The following RBFOX1 variants were observed in gnomAD, a reference collection of about 807,000 sequenced individuals.
RBFOX1 encodes the protein RNA binding fox-1 homolog 1.
A neutral mutation model predicts 57.7 loss-of-function variants in RBFOX1; 8 were observed. That is an observed-to-expected ratio of 0.14 (90% CI 0.08 to 0.25). RBFOX1 has a LOEUF of 0.25. Ranked by LOEUF, RBFOX1 falls within the 10% of genes least tolerant of loss-of-function variation. The probability of loss-of-function intolerance (pLI) is 1.00; values close to 1 mark genes in which losing one functional copy is unlikely to be tolerated. For synonymous variants in RBFOX1, 326 were observed against 222.4 expected, an observed-to-expected ratio of 1.47 and a Z score of -4.15; for missense variants, 611 against 548.5, an observed-to-expected ratio of 1.11 and a Z score of -1.14.
chr16:6,082,255 A>G (rs1371113681), intron 1 of RBFOX1, among the ~76,000 whole-genome samples: 1 of 127,878 alleles, frequency 7.8e-6, no homozygotes. Flanking sequence ...ATCTCGGCTC[A>G]TTGCAACCTC....
At chr16:6,781,257 C>G (rs746350077) in intron 3 of RBFOX1, among the ~76,000 whole-genome samples, 19 of 152,092 alleles carry the variant, frequency 1.2e-4, no homozygotes, top group African/African-American at 4.1e-4. Context: ...GTTGAACCAT[C>G]CTTTTATCGC....
At position 6,048,405 on chromosome 16, in the gene RBFOX1, C is replaced by T. The variant is rs1017437564; in HGVS notation, c.-127+28413C>T. ...TCTCATAAAGACTGGATACCAGAAACCTTCCAAATTGTGATTTCTCCTGTT... is the reference window on the plus strand; with the variant it reads ...TCTCATAAAGACTGGATACCAGAAATCTTCCAAATTGTGATTTCTCCTGTT... On this transcript the variant is annotated intron_variant, in intron 1 of 15. Coordinates refer to ENST00000550418, the MANE Select transcript of RBFOX1 (RefSeq NM_018723.4). Among the ~76,000 whole-genome samples, 4 of 152,186 alleles carry T rather than the reference C, an allele frequency of 2.6e-5. No homozygotes were observed. The South Asian group carries it at 8.3e-4, about 32-fold the overall frequency.
intron 4 of RBFOX1, among the ~76,000 whole-genome samples, chr16:7,156,468 C>T (rs150258886): frequency 2.0e-5 from 3 of 152,020 alleles, no homozygotes; most frequent in African/African-American, 7.2e-5. Context: ...TATACATGCA[C>T]ATATACAGGT....
intron 3 of RBFOX1, among the ~76,000 whole-genome samples, chr16:6,846,604 A>C (rs994709036): frequency 3.9e-5 from 6 of 152,218 alleles, no homozygotes; most frequent in African/African-American, 1.4e-4. Context: ...AAACGCACGA[A>C]GACCTTTGCC....
rs144460668 is a variant in RBFOX1 at position 6,066,575 on chromosome 16, G to C, written c.-127+46583G>C. ...GGATGCCATTTAAATACATTATCTGGAAAAATGTACATAGAACTTACGATT... is the reference window on the plus strand; with the variant it reads ...GGATGCCATTTAAATACATTATCTGCAAAAATGTACATAGAACTTACGATT... On this transcript the variant is annotated intron_variant, in intron 1 of 15. Transcript: ENST00000550418. Among the ~76,000 whole-genome samples the C allele has an allele frequency of 2.8e-3, 428 of 152,176 alleles. 5 individuals carry two copies. Among genetic ancestry groups the C allele is most frequent in the East Asian group, 9.3e-3 (48 of 5,150 alleles).
chr16:6,859,485 C>G (rs148171154), intron 3 of RBFOX1, among the ~76,000 whole-genome samples: 2 of 152,014 alleles, frequency 1.3e-5, no homozygotes, highest in Admixed American at 1.3e-4. Flanking sequence ...CACTCTTGTT[C>G]AAGTCTACTG....
chr16:6,146,843 C>G (rs761430642), intron 1 of RBFOX1, among the ~76,000 whole-genome samples: 2 of 152,266 alleles, frequency 1.3e-5, no homozygotes, highest in East Asian at 1.9e-4. Context: ...AGCTCCACCT[C>G]GTTGCAGAAA....
intron 9 of RBFOX1, among the ~76,000 whole-genome samples, chr16:7,605,418 C>G (rs764243469): frequency 2.6e-5 from 4 of 152,170 alleles, no homozygotes; most frequent in Non-Finnish European, 5.9e-5. Context: ...TTAAATATGC[C>G]TCCCAGGTAA....
chr16:7,001,561 A>G (rs973920740), intron 3 of RBFOX1, among the ~76,000 whole-genome samples: 1 of 152,048 alleles, frequency 6.6e-6, no homozygotes, highest in Admixed American at 6.6e-5. Flanking sequence ...GGTTCAAGTG[A>G]TGCTCCTACA....
At chr16:7,207,721 T>C (rs1017955026) in intron 4 of RBFOX1, among the ~76,000 whole-genome samples, 3 of 152,242 alleles carry the variant, frequency 2.0e-5, no homozygotes, top group African/African-American at 7.2e-5. Context: ...TAGGGTTCTC[T>C]GTAAGGCAGT....
At chr16:7,047,177 T>C (rs2048276376) in intron 3 of RBFOX1, among the ~76,000 whole-genome samples, 1 of 152,172 alleles carries the variant, frequency 6.6e-6, no homozygotes, top group Non-Finnish European at 1.5e-5. Flanking sequence ...GTTTGAAGTT[T>C]CCTTCAGGTA....
At chr16:7,302,016 G>T (rs1036631538) in intron 4 of RBFOX1, among the ~76,000 whole-genome samples, 1 of 152,130 alleles carries the variant, frequency 6.6e-6, no homozygotes, top group Non-Finnish European at 1.5e-5. Flanking sequence ...CTGATGCAAC[G>T]TACAGCAAAC....
At chr16:7,067,740 G>GTGTTCTCATTGTTCAATTC (rs1555445814) in intron 4 of RBFOX1, among the ~76,000 whole-genome samples, 14 of 133,124 alleles carry the variant, frequency 1.1e-4, no homozygotes, top group African/African-American at 3.2e-4. Context: ...CTGTGTCCAT[G>GTGTTCTCATTGTTCAATTC]TGTTCTCATT....
chr16:7,151,958 C>G (rs1237574180), intron 4 of RBFOX1, among the ~76,000 whole-genome samples: 1 of 152,162 alleles, frequency 6.6e-6, no homozygotes, highest in African/African-American at 2.4e-5. Context: ...TTTGCTTGCT[C>G]ACCTGCTGCT....
chr16:6,779,988 TTTA>T (rs2080320006), intron 3 of RBFOX1, among the ~76,000 whole-genome samples: 1 of 52,604 alleles, frequency 1.9e-5, no homozygotes, highest in Non-Finnish European at 2.9e-5. Context: ...TATTTATATA[TTTA>T]TATATTTATA....
At chr16:7,560,099 G>A (rs770765164) in intron 5 of RBFOX1, among the ~76,000 whole-genome samples, 3 of 152,214 alleles carry the variant, frequency 2.0e-5, no homozygotes, top group Admixed American at 6.5e-5. Flanking sequence ...CCTTACCCAG[G>A]TGACTTAGAG....
At chr16:5,387,078 T>C (rs2066279151) in intron 1 of RBFOX1, among the ~76,000 whole-genome samples, 1 of 152,194 alleles carries the variant, frequency 6.6e-6, no homozygotes, top group African/African-American at 2.4e-5. Context: ...AAATGTAGTT[T>C]GGTTGCATTA....
chr16:6,993,863 C>G (rs1359002073), intron 3 of RBFOX1, among the ~76,000 whole-genome samples: 2 of 152,170 alleles, frequency 1.3e-5, no homozygotes, highest in Non-Finnish European at 2.9e-5. Flanking sequence ...AATACCACCT[C>G]TTCCCCGAAC....
intron 4 of RBFOX1, among the ~76,000 whole-genome samples, chr16:7,245,000 C>A (rs2094230686): frequency 6.6e-6 from 1 of 152,204 alleles, no homozygotes; most frequent in Non-Finnish European, 1.5e-5. Flanking sequence ...CACAGTGCAG[C>A]TGCTCCTCAG....
Sources: allele counts gnomAD v4.1 joint callset (sites outside exome capture counted in the v4.1 genomes callset), GRCh38; gene constraint gnomAD v4.1.1; transcripts MANE v1.5; gene names NCBI Gene and HGNC (gene_info 2026-07-23, HGNC 2026-07-21).